Variants in ALDH9A1 observed in about 807,000 individuals in gnomAD.
ALDH9A1 encodes 4-trimethylaminobutyraldehyde dehydrogenase.
A neutral mutation model predicts 56.6 loss-of-function variants in ALDH9A1; 42 were observed. That is an observed-to-expected ratio of 0.74 (90% CI 0.58 to 0.96). The LOEUF is 0.96. ALDH9A1 is among the 40% of genes least tolerant of loss of function. The pLI is 0.00. For missense variants in ALDH9A1, 661 were observed against 651.5 expected, an observed-to-expected ratio of 1.01 and a Z score of -0.16; for synonymous variants, 242 against 236.0, an observed-to-expected ratio of 1.03 and a Z score of -0.23.
intron 6 of ALDH9A1, chr1:165,676,443 G>A (rs548054841): frequency 1.6e-4 from 37 of 233,302 alleles, no homozygotes; most frequent in Middle Eastern, 1.6e-3. Context: ...TCAAGCGAAC[G>A]GGTACTATTC....
chr1:165,683,144 T>C (rs1365938969), intron 2 of ALDH9A1, 34 bp from the exon 3 acceptor site: 14 of 1,608,154 alleles, frequency 8.7e-6, no homozygotes, highest in Non-Finnish European at 1.1e-5. Flanking sequence ...ATTTAAGACA[T>C]ATTCCAATAT....
At chr1:165,694,376 C>A (rs1223122883) in intron 2 of ALDH9A1, among the ~76,000 whole-genome samples, 1 of 152,032 alleles carries the variant, frequency 6.6e-6, no homozygotes, top group Non-Finnish European at 1.5e-5. Flanking sequence ...AACTACTACA[C>A]CACAGAAACC....
At chr1:165,674,380 G>C (rs575455383) in intron 6 of ALDH9A1, among the ~76,000 whole-genome samples, 9 of 150,632 alleles carry the variant, frequency 6.0e-5, no homozygotes, top group Admixed American at 5.3e-4. Context: ...AAACAGGATA[G>C]GGGCTCTTTA....
chr1:165,670,325 T>C (rs1338059714), intron 6 of ALDH9A1, among the ~76,000 whole-genome samples: 1 of 151,922 alleles, frequency 6.6e-6, no homozygotes, highest in Non-Finnish European at 1.5e-5. Flanking sequence ...CCCAGCTACT[T>C]GGGAGGCTAA....
intron 8 of ALDH9A1, 110 bp downstream of exon 8, chr1:165,668,816 A>G: frequency 1.2e-6 from 1 of 847,460 alleles, no homozygotes; most frequent in South Asian, 1.8e-5. Context: ...GTAGGACCAC[A>G]TAATTTGCCA....
At chr1:165,698,131 CG>C in intron 1 of ALDH9A1, 2 of 1,058,568 alleles carry the variant, frequency 1.9e-6, no homozygotes, top group East Asian at 6.9e-5. Context: ...TGTTCTGGCC[CG>C]GGTAAAACAA....
rs1258510894 is a variant in ALDH9A1, at chr1:165,679,495, T to C, written c.877A>G (p.Met293Val). The C allele has an allele frequency of 2.5e-6, 4 of 1,614,174 alleles. No individual in the cohort carries two copies. The highest frequency in any genetic ancestry group is 2.5e-6 in the Non-Finnish European group (3 of 1,180,032). ...SPLIIFSDCD[M>V]NNAVKGALMA... Reference sequence around the variant, plus strand: ...AGCGCCCCCTTTACAGCATTGTTCATATCACAGTCTGAGAAGATGATGAGT... The same window carrying C: ...AGCGCCCCCTTTACAGCATTGTTCACATCACAGTCTGAGAAGATGATGAGT... Residue 293 changes from methionine to valine, a missense_variant, in exon 6 of 11, where the codon ATG becomes GTG. Transcript: ENST00000354775.
intron 8 of ALDH9A1, 81 bp from the exon 9 acceptor site, chr1:165,667,531 G>C: frequency 6.7e-7 from 1 of 1,497,460 alleles, no homozygotes; most frequent in South Asian, 1.2e-5. Flanking sequence ...TTTGAAGATC[G>C]GGTCTCACTA....
intron 9 of ALDH9A1, 70 bp from the exon 10 acceptor site, chr1:165,665,200 C>G (rs1476200739): frequency 1.7e-6 from 2 of 1,187,598 alleles, no homozygotes; most frequent in Admixed American, 1.9e-5. Context: ...GGAAAAGTTA[C>G]ACTGCCAGTT....
intron 10 of ALDH9A1, 70 bp downstream of exon 10, chr1:165,664,948 G>C: frequency 8.2e-7 from 1 of 1,217,980 alleles, no homozygotes; most frequent in Non-Finnish European, 1.2e-6. Flanking sequence ...TAGGAATACT[G>C]GTTTATAAGG....
At chr1:165,677,762 G>A (rs1189953458) in intron 6 of ALDH9A1, among the ~76,000 whole-genome samples, 2 of 150,520 alleles carry the variant, frequency 1.3e-5, no homozygotes, top group African/African-American at 4.9e-5. Flanking sequence ...GGAGGCTGAG[G>A]CAGAAGAATG....
intron 2 of ALDH9A1, among the ~76,000 whole-genome samples, chr1:165,688,050 C>T (rs893186079): frequency 3.3e-5 from 5 of 151,956 alleles, no homozygotes; most frequent in Admixed American, 1.3e-4. Context: ...GGTACAGTGG[C>T]ACACACGTAC....
chr1:165,682,925 G>C, intron 3 of ALDH9A1, 56 bp downstream of exon 3: 3 of 1,582,464 alleles, frequency 1.9e-6, no homozygotes, highest in Non-Finnish European at 2.6e-6. Context: ...TTCACCACTA[G>C]GCCCTGCTCT....
chr1:165,682,818 G>T, intron 3 of ALDH9A1, 163 bp downstream of exon 3: 1 of 737,538 alleles, frequency 1.4e-6, no homozygotes, highest in South Asian at 2.1e-5. Context: ...CTCCAGTTTA[G>T]ATTAGGAAAG....
intron 6 of ALDH9A1, 45 bp downstream of exon 6, chr1:165,679,397 G>T (rs377560802): frequency 8.7e-6 from 14 of 1,603,482 alleles, no homozygotes; most frequent in Admixed American, 3.4e-5. Flanking sequence ...GTTGGATGAG[G>T]GGGTAGAGAT....
Position 165,669,307 on chromosome 1 carries a change from T to C in ALDH9A1, c.1074A>G (p.Pro358=). The C allele has an allele frequency of 6.2e-7, 1 of 1,613,328 alleles. No individual in the cohort carries two copies. Among genetic ancestry groups the C allele is most frequent in the Non-Finnish European group, 8.5e-7 (1 of 1,179,782 alleles). ...CAAACCCAAGGACTCGCTCCAGGTG[T>C]GGTCGGTTGATGAGTGGACCCATCC... ...DTRMGPLINR[P]HLERVLGFVK... is the part of the protein sequence containing the mutation. Residue 358 remains proline (P), a synonymous_variant, in exon 7 of 11, where the codon CCA becomes CCG. Transcript: ENST00000354775.
Position 165,677,690 on chromosome 1 carries a change from C to T in ALDH9A1, c.930+1752G>A, listed in dbSNP as rs143969858. On this transcript the variant is annotated intron_variant, in intron 6 of 10. Transcript: ENST00000354775. ...TGGCTAACATGGTAAAACCTCATCT[C>T]TACTAAAAACACAAAAAATTAGCCA... is the stretch of plus-strand genomic sequence containing the variant. Among the ~76,000 whole-genome samples the T allele has an allele frequency of 4.1e-4, 63 of 152,028 alleles. 2 individuals carry two copies. In the East Asian group the frequency reaches 0.012, roughly 29 times the overall value.
At chr1:165,673,371 G>A (rs1208887673) in intron 6 of ALDH9A1, among the ~76,000 whole-genome samples, 1 of 152,168 alleles carries the variant, frequency 6.6e-6, no homozygotes, top group African/African-American at 2.4e-5. Context: ...ATTAGTATAG[G>A]CTGCTCTGCC....
intron 2 of ALDH9A1, among the ~76,000 whole-genome samples, chr1:165,693,074 T>A (rs997661866): frequency 2.6e-5 from 4 of 152,012 alleles, no homozygotes; most frequent in Admixed American, 2.0e-4. Flanking sequence ...TCAAGATGGA[T>A]TAAAGACTTA....
Sources: gnomAD v4.1 joint callset for allele counts (sites outside exome capture counted in the v4.1 genomes callset) on GRCh38, gnomAD v4.1.1 for gene constraint, MANE v1.5 for transcripts, NCBI Gene and HGNC (gene_info 2026-07-23, HGNC 2026-07-21) for gene names.